The following PIGN variants were observed in gnomAD, a reference collection of about 807,000 sequenced individuals.
PIGN encodes phosphatidylinositol glycan anchor biosynthesis class N, also known as GPI ethanolamine phosphate transferase 1.
Under a neutral mutation model 125.4 loss-of-function variants are expected in PIGN, and 117 were observed. The ratio of observed to expected loss-of-function variants is 0.93; its 90% confidence interval spans 0.80 to 1.09. PIGN has a LOEUF of 1.09. Ranked by LOEUF, PIGN falls within the 50% of genes least tolerant of loss-of-function variation. PIGN has a pLI of 0.00. For missense variants in PIGN, 1,075 were observed against 1,094.9 expected, an observed-to-expected ratio of 0.98 and a Z score of 0.26; for synonymous variants, 392 against 377.8, an observed-to-expected ratio of 1.04 and a Z score of -0.44.
intron 23 of PIGN, among the ~76,000 whole-genome samples, chr18:62,030,748 A>G (rs975578001): frequency 5.9e-5 from 9 of 152,192 alleles, no homozygotes; most frequent in African/African-American, 9.6e-5. Flanking sequence ...CAAAATGAGG[A>G]AAAAAAGATC....
At chr18:62,125,139 T>C (rs1321278631) in intron 14 of PIGN, among the ~76,000 whole-genome samples, 2 of 50,484 alleles carry the variant, frequency 4.0e-5, no homozygotes, top group African/African-American at 1.4e-4. Flanking sequence ...TACACGTTTG[T>C]ACATATGTGT....
intron 30 of PIGN, among the ~76,000 whole-genome samples, chr18:62,055,616 A>G (rs1467102429): frequency 6.6e-6 from 1 of 152,182 alleles, no homozygotes; most frequent in African/African-American, 2.4e-5. Flanking sequence ...ATGTTATACT[A>G]TAGTTCTGCA....
At chr18:62,149,849 C>T (rs957392943) in intron 7 of PIGN, among the ~76,000 whole-genome samples, 1 of 152,196 alleles carries the variant, frequency 6.6e-6, no homozygotes, top group Admixed American at 6.5e-5. Context: ...TGCATCAATG[C>T]TCAGCTGCCT....
intron 1 of PIGN, among the ~76,000 whole-genome samples, chr18:62,183,440 G>A (rs767557715): frequency 6.6e-6 from 1 of 152,094 alleles, no homozygotes; most frequent in African/African-American, 2.4e-5. Context: ...GTATCCCACT[G>A]CTATAAGACC....
intron 1 of PIGN, among the ~76,000 whole-genome samples, chr18:62,172,039 T>C (rs756594572): frequency 6.6e-6 from 1 of 152,198 alleles, no homozygotes; most frequent in Non-Finnish European, 1.5e-5. Context: ...TCTTCCTTTA[T>C]CGAATAACAA....
chr18:62,123,439 G>A (rs1046410670), intron 14 of PIGN: 3 of 151,922 alleles, frequency 2.0e-5, no homozygotes, highest in Non-Finnish European at 4.4e-5. Flanking sequence ...GGCACATTAA[G>A]AACTAAATGG....
At chr18:62,077,285 C>T (rs551434254) in intron 28 of PIGN, among the ~76,000 whole-genome samples, 7 of 151,974 alleles carry the variant, frequency 4.6e-5, no homozygotes, top group Non-Finnish European at 1.0e-4. Context: ...GGCTGAGGCA[C>T]GAGAATCGAT....
At chr18:62,181,411 T>A (rs1298495368) in intron 1 of PIGN, among the ~76,000 whole-genome samples, 1 of 152,186 alleles carries the variant, frequency 6.6e-6, no homozygotes, top group Non-Finnish European at 1.5e-5. Flanking sequence ...TTAAACCTTA[T>A]TGTCATTACT....
chr18:62,057,312 A>G (rs993944698), intron 30 of PIGN, among the ~76,000 whole-genome samples: 1 of 151,936 alleles, frequency 6.6e-6, no homozygotes, highest in Non-Finnish European at 1.5e-5. Flanking sequence ...CTCCTCCTAG[A>G]GCTTTCTCCA....
intron 30 of PIGN, among the ~76,000 whole-genome samples, chr18:62,065,666 G>A (rs2032473250): frequency 1.3e-5 from 2 of 152,032 alleles, no homozygotes; most frequent in African/African-American, 4.8e-5. Context: ...GTGAACCCGG[G>A]AGACAGAGCT....
intron 30 of PIGN, among the ~76,000 whole-genome samples, chr18:62,058,369 A>G (rs562716862): frequency 6.6e-6 from 1 of 152,216 alleles, no homozygotes; most frequent in Non-Finnish European, 1.5e-5. Context: ...AAGTGACCGG[A>G]AAGTTCTAAG....
intron 30 of PIGN, among the ~76,000 whole-genome samples, chr18:62,055,513 C>G (rs1682929560): frequency 6.6e-6 from 1 of 151,910 alleles, no homozygotes; most frequent in African/African-American, 2.4e-5. Flanking sequence ...GAGGGAAGTG[C>G]CTGGGCTATA....
At chr18:62,021,024 C>A (rs139501725) in intron 23 of PIGN, among the ~76,000 whole-genome samples, 1 of 151,202 alleles carries the variant, frequency 6.6e-6, no homozygotes, top group East Asian at 1.9e-4. Context: ...TGTGGAGGAA[C>A]TGGGACTCTC....
At chr18:62,068,221 T>C (rs2032640809) in intron 30 of PIGN, among the ~76,000 whole-genome samples, 1 of 152,182 alleles carries the variant, frequency 6.6e-6, no homozygotes, top group Non-Finnish European at 1.5e-5. Flanking sequence ...GGAGAGCCTG[T>C]TGATATCATC....
At chr18:62,096,638 G>C (rs2034213762) in intron 22 of PIGN, among the ~76,000 whole-genome samples, 1 of 122,228 alleles carries the variant, frequency 8.2e-6, no homozygotes, top group African/African-American at 3.3e-5. Flanking sequence ...CCACTAATGT[G>C]TCATCTAGCA....
At chr18:62,182,328 C>CA (rs34196901) in intron 1 of PIGN, among the ~76,000 whole-genome samples, 88,447 of 152,014 alleles carry the variant, frequency 0.58, 26,540 homozygotes, top group East Asian at 0.78. Flanking sequence ...CAAAGACACT[C>CA]AACTAAGTAG....
chr18:62,103,331 C>A (rs1200321670), intron 20 of PIGN, among the ~76,000 whole-genome samples: 2 of 150,180 alleles, frequency 1.3e-5, no homozygotes, highest in Non-Finnish European at 3.0e-5. Flanking sequence ...CTTACTCATG[C>A]AAAAAGTATC....
chr18:62,121,437 A>C (rs1302765455), intron 14 of PIGN, among the ~76,000 whole-genome samples: 3 of 152,222 alleles, frequency 2.0e-5, no homozygotes, highest in Non-Finnish European at 2.9e-5. Context: ...AATATTATTC[A>C]ATAAATATTG....
intron 6 of PIGN, 49 bp downstream of exon 6, chr18:62,157,080 G>A (rs1195387654): frequency 2.4e-6 from 2 of 830,662 alleles, no homozygotes; most frequent in Non-Finnish European, 3.8e-6. Flanking sequence ...CTACCATATT[G>A]ACTTACTCCC....
Sources: gnomAD v4.1 joint callset for allele counts (sites outside exome capture counted in the v4.1 genomes callset) on GRCh38, gnomAD v4.1.1 for gene constraint, MANE v1.5 for transcripts, NCBI Gene and HGNC (gene_info 2026-07-23, HGNC 2026-07-21) for gene names.